The following FAM174A variants were observed in gnomAD, a reference collection of about 807,000 sequenced individuals.
FAM174A encodes membrane protein FAM174A.
Under a neutral mutation model 14.3 loss-of-function variants are expected in FAM174A, and 14 were observed. The observed-to-expected ratio is 0.98, with a 90% confidence interval of 0.65 to 1.53. The LOEUF (loss-of-function observed/expected upper bound fraction) is 1.53. FAM174A is among the 40% of genes most tolerant of loss of function. FAM174A has a pLI of 0.00. For synonymous variants in FAM174A, 108 were observed against 111.4 expected, an observed-to-expected ratio of 0.97 and a Z score of 0.19; for missense variants, 241 against 249.6, an observed-to-expected ratio of 0.97 and a Z score of 0.23.
At chr5:100,581,727 T>C (rs953046960) in intron 2 of FAM174A, among the ~76,000 whole-genome samples, 46 of 152,172 alleles carry the variant, frequency 3.0e-4, no homozygotes, top group African/African-American at 1.1e-3. Flanking sequence ...GTTCCTACAG[T>C]AGCCCCTGAA....
intron 1 of FAM174A, among the ~76,000 whole-genome samples, chr5:100,547,198 G>C (rs1746179549): frequency 6.6e-6 from 1 of 152,018 alleles, no homozygotes; most frequent in Non-Finnish European, 1.5e-5. Context: ...TTTCATGGTA[G>C]AAAACATGAT....
At chr5:100,562,330 A>G (rs548018561) in intron 2 of FAM174A, 142 bp downstream of exon 2, 7 of 654,198 alleles carry the variant, frequency 1.1e-5, no homozygotes, top group East Asian at 3.3e-5. Context: ...TCTTTTTGCT[A>G]TCTACCCCAT....
intron 1 of FAM174A, among the ~76,000 whole-genome samples, chr5:100,543,413 C>T (rs990676328): frequency 1.3e-4 from 20 of 152,184 alleles, no homozygotes; most frequent in Non-Finnish European, 2.4e-4. Flanking sequence ...CCACTTCACC[C>T]GCCAACTAGC....
In FAM174A at chr5:100,554,678, T is replaced by A. The variant is rs1232917279; in HGVS notation, c.435-7376T>A. On this transcript the variant is annotated intron_variant, in intron 1 of 2. Transcript: ENST00000312637. The stretch of plus-strand genomic sequence containing the variant: ...TCTTTTCTTTGTTTGCTAATTACTT[T>A]CATAAGTCTAAATCAGAGGTTAGCA... Among the ~76,000 whole-genome samples the A allele has an allele frequency of 2.6e-5, 4 of 152,144 alleles. No individual in the cohort carries two copies. In the East Asian group the frequency reaches 7.7e-4, roughly 29 times the overall value.
At chr5:100,569,573 G>A (rs1561321359) in intron 2 of FAM174A, among the ~76,000 whole-genome samples, 2 of 151,814 alleles carry the variant, frequency 1.3e-5, no homozygotes, top group African/African-American at 4.8e-5. Flanking sequence ...TGGATTTTCA[G>A]GGTAAATTTC....
intron 1 of FAM174A, among the ~76,000 whole-genome samples, chr5:100,561,824 G>T (rs1387889506): frequency 6.6e-6 from 1 of 151,846 alleles, no homozygotes; most frequent in African/African-American, 2.4e-5. Flanking sequence ...TTGACACAGA[G>T]AGAAGAGAGT....
intron 2 of FAM174A, among the ~76,000 whole-genome samples, chr5:100,569,778 G>T (rs1040265679): frequency 6.6e-6 from 1 of 151,560 alleles, no homozygotes; most frequent in African/African-American, 2.4e-5. Flanking sequence ...GCACAAAAAT[G>T]GACAAAATGC....
At chr5:100,577,759 G>T (rs368191840) in intron 2 of FAM174A, among the ~76,000 whole-genome samples, 6 of 152,024 alleles carry the variant, frequency 3.9e-5, no homozygotes, top group African/African-American at 1.4e-4. Flanking sequence ...TTGGTAGTAG[G>T]ATAGTTCCTA....
At chr5:100,579,318 T>A (rs1746961350) in intron 2 of FAM174A, among the ~76,000 whole-genome samples, 3 of 152,218 alleles carry the variant, frequency 2.0e-5, no homozygotes, top group Admixed American at 2.0e-4. Context: ...CCAAGTTCTG[T>A]GGAGACACAC....
chr5:100,577,426 T>G (rs1388947768), intron 2 of FAM174A, among the ~76,000 whole-genome samples: 1 of 152,104 alleles, frequency 6.6e-6, no homozygotes, highest in Non-Finnish European at 1.5e-5. Flanking sequence ...TATACTATTG[T>G]GTTATATGTG....
intron 2 of FAM174A, among the ~76,000 whole-genome samples, chr5:100,581,777 C>T (rs1299650743): frequency 6.6e-6 from 1 of 152,066 alleles, no homozygotes; most frequent in Non-Finnish European, 1.5e-5. Context: ...GAGGAAATTC[C>T]CACTCAAGGA....
At chr5:100,572,493 T>TA (rs1457789354) in intron 2 of FAM174A, among the ~76,000 whole-genome samples, 1 of 144,238 alleles carries the variant, frequency 6.9e-6, no homozygotes, top group Non-Finnish European at 1.5e-5. Context: ...TGAGTGAGAA[T>TA]ATGCGGTGTT....
chr5:100,556,060 G>C (rs1333003631), intron 1 of FAM174A, among the ~76,000 whole-genome samples: 2 of 152,132 alleles, frequency 1.3e-5, no homozygotes, highest in Non-Finnish European at 2.9e-5. Flanking sequence ...TTCTTCTAGG[G>C]TTTTTATGGT....
chr5:100,573,404 T>TA (rs1746835874), intron 2 of FAM174A, among the ~76,000 whole-genome samples: 1 of 152,082 alleles, frequency 6.6e-6, no homozygotes, highest in African/African-American at 2.4e-5. Context: ...TTTAAGTCTT[T>TA]AATCCATCTT....
intron 2 of FAM174A, among the ~76,000 whole-genome samples, chr5:100,568,743 T>A (rs982830253): frequency 6.6e-6 from 1 of 151,786 alleles, no homozygotes; most frequent in African/African-American, 2.4e-5. Context: ...TAAAAAAAAA[T>A]GAAAGTTTGC....
intron 2 of FAM174A, among the ~76,000 whole-genome samples, chr5:100,568,165 C>T (rs141822377): frequency 9.9e-4 from 151 of 151,984 alleles, no homozygotes; most frequent in African/African-American, 3.6e-3. Flanking sequence ...TTCTCTTTTT[C>T]AAAGGTTCAT....
intron 2 of FAM174A, among the ~76,000 whole-genome samples, chr5:100,566,318 A>C (rs939660018): frequency 6.6e-6 from 1 of 151,378 alleles, no homozygotes; most frequent in Non-Finnish European, 1.5e-5. Context: ...AGAAAGACAG[A>C]TATTGCATTA....
At chr5:100,575,685 G>A (rs1362955855) in intron 2 of FAM174A, among the ~76,000 whole-genome samples, 2 of 152,156 alleles carry the variant, frequency 1.3e-5, no homozygotes, top group Non-Finnish European at 2.9e-5. Flanking sequence ...TTGACAAATG[G>A]TATCTAATTA....
At chr5:100,555,645 A>G (rs958761164) in intron 1 of FAM174A, among the ~76,000 whole-genome samples, 2 of 151,984 alleles carry the variant, frequency 1.3e-5, no homozygotes, top group Non-Finnish European at 2.9e-5. Context: ...ATGGTATCTC[A>G]TTGTGGTTTT....
Sources: allele counts gnomAD v4.1 joint callset (sites outside exome capture counted in the v4.1 genomes callset), GRCh38; gene constraint gnomAD v4.1.1; transcripts MANE v1.5; gene names NCBI Gene and HGNC (gene_info 2026-07-23, HGNC 2026-07-21).